ZNF526: variants seen among roughly 807,000 people sequenced by gnomAD.
ZNF526 encodes the protein zinc finger protein 526.
ZNF526 carries 16 observed loss-of-function variants against 32.4 expected under a neutral mutation model. The ratio of observed to expected loss-of-function variants is 0.49; its 90% CI spans 0.33 to 0.75. ZNF526 has a LOEUF of 0.75. Among genes scored for constraint, ZNF526 ranks in the 30% least tolerant of loss-of-function variants. ZNF526 has a pLI of 0.02. For synonymous variants in ZNF526, 355 were observed against 363.4 expected, an observed-to-expected ratio of 0.98 and a Z score of 0.26; for missense variants, 838 against 920.7, an observed-to-expected ratio of 0.91 and a Z score of 1.16.
intron 1 of ZNF526, chr19:42,220,705 A>C (rs1386395199): frequency 3.3e-5 from 5 of 152,144 alleles, no homozygotes; most frequent in African/African-American, 1.2e-4. Flanking sequence ...TCCTGGAAAG[A>C]CTTACTGATA....
At chr19:42,224,357 TCTCA>T in intron 2 of ZNF526, 26 bp from the exon 3 acceptor site, 1 of 1,567,834 alleles carries the variant, frequency 6.4e-7, no homozygotes, top group Non-Finnish European at 8.8e-7. Flanking sequence ...TTTCCTGCTG[TCTCA>T]CTGGCTCCTG....
At chr19:42,221,084 G>A (rs1042637486) in intron 1 of ZNF526, among the ~76,000 whole-genome samples, 16 of 152,222 alleles carry the variant, frequency 1.1e-4, no homozygotes, top group Admixed American at 3.3e-4. Flanking sequence ...ATTTACTCAA[G>A]GAGTATGTAT....
rs769062185 is a variant in ZNF526 at position 42,226,223 on chromosome 19, G to A, written c.1820G>A (p.Arg607Lys). The A allele has an allele frequency of 2.0e-5, 33 of 1,612,414 alleles. No individual in the cohort carries two copies. The highest frequency in any genetic ancestry group is 2.8e-5 in the Non-Finnish European group (33 of 1,180,038). Residue 607 changes from arginine to lysine, a missense_variant, in exon 3 of 3, where the codon AGA (arginine) becomes AAA (lysine). Transcript: ENST00000301215. ...RARTLTLQPP[R>K]SPSPAPPPPP... ...CGGACTTTGACGCTACAGCCTCCCA[G>A]ATCACCATCTCCTGCCCCACCCCCA... is the stretch of plus-strand genomic sequence containing the variant.
At position 42,226,844 on chromosome 19, in the gene ZNF526, TTGCTC is replaced by T. The variant is rs1273172124; in HGVS notation, c.*432_*436del. 4 of 300,652 alleles carry T rather than the reference TTGCTC, an allele frequency of 1.3e-5. No homozygotes were observed. The highest frequency in any genetic ancestry group is 2.2e-5 in the African/African-American group (1 of 45,832). The allele number at this position is 300,652 out of a possible 1,614,324, so 18.6% of individuals were successfully genotyped here. On this transcript the variant is annotated 3_prime_UTR_variant, in exon 3 of 3. Coordinates refer to ENST00000301215, the MANE Select transcript of ZNF526 (RefSeq NM_133444.3). ...CCCTGGATTTTGGGCACCCAGGACT[TTGCTC>T]TGCCTGGTGGAGGGTACTTGATTTC...
chr19:42,224,342 C>G, intron 2 of ZNF526, 37 bp downstream of exon 2: 1 of 1,470,880 alleles, frequency 6.8e-7, no homozygotes, highest in South Asian at 1.1e-5. Flanking sequence ...TCCACCTCCC[C>G]TTGGTTTCCT....
Position 42,224,837 on chromosome 19 carries a change from G to T in ZNF526, c.434G>T (p.Cys145Phe). 6.2e-7 allele frequency: 1 copy of T among 1,613,794 alleles called. No homozygotes were observed. Among genetic ancestry groups the T allele is most frequent in the South Asian group, 1.1e-5 (1 of 91,070 alleles). ...ANQIQYQCWDCQELFPSPELW... is the reference protein window; with the variant it reads ...ANQIQYQCWDFQELFPSPELW... ...CAGATCCAATACCAGTGCTGGGACT[G>T]CCAGGAGCTGTTCCCCTCGCCCGAG... The change falls in exon 3 of 3, where the codon TGC (cysteine) becomes TTC (phenylalanine). Residue 145 changes from cysteine to phenylalanine, a missense_variant. Coordinates refer to ENST00000301215, the MANE Select transcript of ZNF526 (RefSeq NM_133444.3).
In ZNF526 at chr19:42,224,454, AGG is replaced by A; in HGVS notation, c.54_55del (p.Ala19SerfsTer20). On this transcript the variant is annotated frameshift_variant, in exon 3 of 3. Coordinates refer to ENST00000301215, the MANE Select transcript of ZNF526 (RefSeq NM_133444.3). LOFTEE classifies it low-confidence loss of function (END_TRUNC). ...CCGAGATGCCAACACAGATGTCACC[AGG>A]GGCAGTGGAGATGTCAACACCTATG... ...VAEMPTQMSP[G>X]AVEMSTPMSA... The A allele has an allele frequency of 6.2e-7, 1 of 1,614,160 alleles. No individual in the cohort carries two copies. Among genetic ancestry groups the A allele is most frequent in the South Asian group, 1.1e-5 (1 of 91,082 alleles).
intron 1 of ZNF526, among the ~76,000 whole-genome samples, chr19:42,222,511 G>A (rs1212297572): frequency 6.6e-6 from 1 of 152,198 alleles, no homozygotes; most frequent in Non-Finnish European, 1.5e-5. Flanking sequence ...CTAGGCCTGG[G>A]AGGGAGGCAG....
Position 42,226,260 on chromosome 19 carries a change from TCAACA to T in ZNF526, c.1858_1862del (p.Gln620AspfsTer15). The T allele has an allele frequency of 3.7e-6, 6 of 1,613,748 alleles. No homozygotes were observed. The highest frequency in any genetic ancestry group is 5.1e-6 in the Non-Finnish European group (6 of 1,180,006). ...CTGCCCCACCCCCACCTCCAGAGCC[TCAACA>T]GACTATCATGTGCACAGAGCTGGGG... On this transcript the variant is annotated frameshift_variant, in exon 3 of 3. Transcript: ENST00000301215. LOFTEE classifies it high-confidence loss of function.
intron 1 of ZNF526, among the ~76,000 whole-genome samples, chr19:42,221,825 G>GAAAAAA (rs552425209): frequency 1.6e-5 from 2 of 125,430 alleles, no homozygotes; most frequent in African/African-American, 5.9e-5. Flanking sequence ...TCAAAAGGAG[G>GAAAAAA]AAAAAAAAAA....
In ZNF526 at chr19:42,225,869, A is replaced by T; in HGVS notation, c.1466A>T (p.Asn489Ile). Residue 489 changes from asparagine to isoleucine, a missense_variant, in exon 3 of 3, where the codon AAC (asparagine) becomes ATC (isoleucine). Physicochemically the swap from Asn to Ile is moderately radical, Grantham distance 149. Coordinates refer to ENST00000301215, the MANE Select transcript of ZNF526 (RefSeq NM_133444.3). ...KGFKKLIHVR[N>I]HLRTHTGERP... ...TTCAAGAAGCTGATCCACGTGCGCA[A>T]CCACCTGCGGACACACACGGGTGAG... is the stretch of plus-strand genomic sequence containing the variant. The T allele has an allele frequency of 1.2e-6, 2 of 1,614,198 alleles. No homozygotes were observed. Among genetic ancestry groups the T allele is most frequent in the Non-Finnish European group, 1.7e-6 (2 of 1,180,046 alleles).
At chr19:42,220,834 AT>A (rs2036115098) in intron 1 of ZNF526, among the ~76,000 whole-genome samples, 1 of 152,194 alleles carries the variant, frequency 6.6e-6, no homozygotes, top group South Asian at 2.1e-4. Flanking sequence ...GTAGACATTT[AT>A]TGGGTACCTG....
rs528339990 is a variant in ZNF526 at position 42,222,518 on chromosome 19, G to A, written c.-108-1697G>A. Among the ~76,000 whole-genome samples the A allele has an allele frequency of 3.3e-5, 5 of 152,314 alleles. No individual in the cohort carries two copies. The East Asian group carries it at 9.6e-4, about 29-fold the overall frequency. ...ATTAGCTGCTAGGCCTGGGAGGGAG[G>A]CAGTCATTTGTTGAGTGTACTCTGA... On this transcript the variant is annotated intron_variant, in intron 1 of 2. Coordinates refer to ENST00000301215, the MANE Select transcript of ZNF526 (RefSeq NM_133444.3).
rs1032908026 is a variant in ZNF526 at position 42,225,767 on chromosome 19, C to T, written c.1364C>T (p.Ser455Phe). 1.3e-6 allele frequency: 2 copies of T among 1,565,362 alleles called. No individual in the cohort carries two copies. Among genetic ancestry groups the T allele is most frequent in the South Asian group, 1.1e-5 (1 of 90,234 alleles). The change falls in exon 3 of 3, where the codon TCC becomes TTC. Residue 455 changes from serine to phenylalanine, a missense_variant. By Grantham distance (155) the Ser-to-Phe change is radical. Transcript: ENST00000301215. ...PQCSKSFASA[S>F]RLSRHRRAVH... ...TGCTCCAAGTCCTTTGCCTCAGCTT[C>T]CCGGCTGTCCCGGCACCGGCGTGCA...
Position 42,224,692 on chromosome 19 carries a change from G to C in ZNF526, c.289G>C (p.Glu97Gln). Residue 97 changes from glutamate to glutamine, a missense_variant, in exon 3 of 3, where the codon GAG becomes CAG. Glu to Gln is a conservative substitution (Grantham distance 29). Coordinates refer to ENST00000301215, the MANE Select transcript of ZNF526 (RefSeq NM_133444.3). ...EALTTQNVGL[E>Q]PELVPGAEGP... ...ACTGACCACACAGAATGTTGGCCTG[G>C]AGCCGGAGCTGGTGCCGGGTGCTGA... is the stretch of plus-strand genomic sequence containing the variant. 1.2e-6 allele frequency: 2 copies of C among 1,614,184 alleles called. No individual in the cohort carries two copies. Among genetic ancestry groups the C allele is most frequent in the South Asian group, 2.2e-5 (2 of 91,082 alleles).
chr19:42,224,023 G>A (rs2036147891), intron 1 of ZNF526, among the ~76,000 whole-genome samples, 192 bp from the exon 2 acceptor site: 1 of 141,186 alleles, frequency 7.1e-6, no homozygotes, highest in Non-Finnish European at 1.6e-5. Context: ...GCCAGGCATG[G>A]TGGCACACCC....
Position 42,226,198 on chromosome 19 carries a change from C to T in ZNF526, c.1795C>T (p.Arg599Trp), listed in dbSNP as rs749060140. 5.0e-6 allele frequency: 8 copies of T among 1,610,168 alleles called. No individual in the cohort carries two copies. The highest frequency in any genetic ancestry group is 3.3e-5 in the Admixed American group (2 of 60,010). ...GCATCAGCGGGTCCATGCCCGAGCT[C>T]GGACTTTGACGCTACAGCCTCCCAG... ...RLHQRVHARA[R>W]TLTLQPPRSP... is the part of the protein sequence containing the mutation. Residue 599 changes from arginine (R) to tryptophan (W), a missense_variant, in exon 3 of 3, where the codon CGG becomes TGG. By Grantham distance (101) the Arg-to-Trp change is moderately radical. Coordinates refer to ENST00000301215, the MANE Select transcript of ZNF526 (RefSeq NM_133444.3).
At position 42,225,995 on chromosome 19, in the gene ZNF526, T is replaced by A; in HGVS notation, c.1592T>A (p.Leu531Gln). ...THTGARPYQC[L>Q]DCGKRFTQSS... is the part of the protein sequence containing the mutation. ...ACGGGTGCACGTCCCTACCAATGCC[T>A]GGACTGTGGCAAGCGCTTCACACAG... is the stretch of plus-strand genomic sequence containing the variant. Residue 531 changes from leucine (L) to glutamine (Q), a missense_variant, in exon 3 of 3, where the codon CTG becomes CAG. Transcript: ENST00000301215. The A allele has an allele frequency of 6.2e-7, 1 of 1,613,888 alleles. No individual in the cohort carries two copies. The highest frequency in any genetic ancestry group is 1.7e-5 in the Admixed American group (1 of 60,024).
At position 42,226,585 on chromosome 19, in the gene ZNF526, CTT is replaced by C. The variant is rs1389029877; in HGVS notation, c.*170_*171del. The stretch of plus-strand genomic sequence containing the variant: ...CCCAGAACAACCCTTCCAGGCTTCT[CTT>C]GTCATCTTTCTCTGCCTGAGGGGAA... On this transcript the variant is annotated 3_prime_UTR_variant, in exon 3 of 3. Coordinates refer to ENST00000301215, the MANE Select transcript of ZNF526 (RefSeq NM_133444.3). The C allele has an allele frequency of 1.4e-5, 12 of 842,496 alleles. No individual in the cohort carries two copies. Among genetic ancestry groups the C allele is most frequent in the Non-Finnish European group, 2.2e-5 (11 of 507,400 alleles). 52.2% of individuals were successfully genotyped at this position (842,496 alleles called of 1,614,324 possible). A position where few individuals can be genotyped will look rare whatever the true frequency, so the allele number is the denominator to read the frequency against.
Sources: gnomAD v4.1 joint callset for allele counts (sites outside exome capture counted in the v4.1 genomes callset) on GRCh38, gnomAD v4.1.1 for gene constraint, MANE v1.5 for transcripts, NCBI Gene and HGNC (gene_info 2026-07-23, HGNC 2026-07-21) for gene names.